Variants in FHL5 observed in about 807,000 individuals in gnomAD.
FHL5 encodes four and a half LIM domains 5, also known as four and a half LIM domains protein 5.
FHL5 carries 33 observed loss-of-function variants against 32.0 expected under a neutral mutation model. The ratio of observed to expected loss-of-function variants is 1.03; its 90% CI spans 0.78 to 1.38. The LOEUF (loss-of-function observed/expected upper bound fraction) is 1.38, where lower values mean the gene tolerates loss of function less well. Ranked by LOEUF, FHL5 falls within the 40% of genes most tolerant of loss-of-function variation. The probability of loss-of-function intolerance (pLI) is 0.00; values close to 1 mark genes in which losing one functional copy is unlikely to be tolerated. For synonymous variants in FHL5, 114 were observed against 113.6 expected (o/e 1.00, Z -0.02); for missense variants, 336 against 343.9 (o/e 0.98, Z 0.18).
Position 96,615,777 on chromosome 6 carries a change from C to T in FHL5, c.*5C>T. 4 of 1,579,182 alleles carry T rather than the reference C, an allele frequency of 2.5e-6. No individual in the cohort carries two copies. The highest frequency in any genetic ancestry group is 3.4e-6 in the Non-Finnish European group (4 of 1,161,894). ...GGAATGGACACTGACATCTAGGAGACAGTCCTTGCCCACCTAAAATCCATT... is the reference window on the plus strand; with the variant it reads ...GGAATGGACACTGACATCTAGGAGATAGTCCTTGCCCACCTAAAATCCATT... On this transcript the variant is annotated 3_prime_UTR_variant, in exon 6 of 6. Transcript: ENST00000450218.
At chr6:96,568,579 A>G (rs1296355451) in intron 1 of FHL5, among the ~76,000 whole-genome samples, 1 of 151,916 alleles carries the variant, frequency 6.6e-6, no homozygotes, top group Non-Finnish European at 1.5e-5. Flanking sequence ...TCCAGAGTGA[A>G]GCTGTCATAT....
rs75047022 is a variant in FHL5, at chr6:96,588,706, T to A, written c.-12-14896T>A. On this transcript the variant is annotated intron_variant, in intron 1 of 5. Coordinates refer to ENST00000450218, the MANE Select transcript of FHL5 (RefSeq NM_001322466.2). Reference sequence around the variant, plus strand: ...TATTATGAGTGAATTAAAAACAAGCTAATGGAAAAACAGTCTCCATTAGCT... The same window carrying A: ...TATTATGAGTGAATTAAAAACAAGCAAATGGAAAAACAGTCTCCATTAGCT... Among the ~76,000 whole-genome samples, 863 of 152,198 alleles carry A rather than the reference T, an allele frequency of 5.7e-3. 4 individuals carry two copies. The highest frequency in any genetic ancestry group is 0.012 in the Admixed American group (179 of 15,282).
chr6:96,601,158 A>C (rs1771140536), intron 1 of FHL5, among the ~76,000 whole-genome samples: 3 of 152,168 alleles, frequency 2.0e-5, no homozygotes, highest in Admixed American at 2.0e-4. Flanking sequence ...ACACGGTAAA[A>C]TCCCATATCT....
intron 1 of FHL5, among the ~76,000 whole-genome samples, chr6:96,602,291 TC>T (rs2127971640): frequency 6.6e-6 from 1 of 152,132 alleles, no homozygotes; most frequent in South Asian, 2.1e-4. Context: ...TATTCAAAGC[TC>T]CTAATATATT....
In FHL5 at chr6:96,617,083, C is replaced by T. The variant is rs1771538040; in HGVS notation, c.*1311C>T. On this transcript the variant is annotated 3_prime_UTR_variant, in exon 6 of 6. Coordinates refer to ENST00000450218, the MANE Select transcript of FHL5 (RefSeq NM_001322466.2). ...AGAGCCTTAGTGAGAAGTCCATCAC[C>T]AGGTTTATCTTTATACCAGACTTTA... Among the ~76,000 whole-genome samples, 1 of 152,158 alleles carries T rather than the reference C, an allele frequency of 6.6e-6. No homozygotes were observed. The highest frequency in any genetic ancestry group is 6.5e-5 in the Admixed American group (1 of 15,274).
intron 1 of FHL5, among the ~76,000 whole-genome samples, chr6:96,577,969 C>T (rs894342766): frequency 2.0e-5 from 3 of 150,982 alleles, no homozygotes; most frequent in Non-Finnish European, 4.4e-5. Context: ...GTCAGTTCGC[C>T]TCTCTGAACT....
chr6:96,578,792 A>G (rs1290896050), intron 1 of FHL5, among the ~76,000 whole-genome samples: 1 of 152,178 alleles, frequency 6.6e-6, no homozygotes, highest in Non-Finnish European at 1.5e-5. Flanking sequence ...CAGTGAGCCG[A>G]GATTGTGCCA....
chr6:96,565,052 C>T (rs944809431), intron 1 of FHL5, among the ~76,000 whole-genome samples: 5 of 151,952 alleles, frequency 3.3e-5, no homozygotes, highest in African/African-American at 1.2e-4. Context: ...GCCCAGGGTT[C>T]AAGACCAGCT....
At chr6:96,604,217 T>C (rs1439334052) in intron 2 of FHL5, among the ~76,000 whole-genome samples, 1 of 152,086 alleles carries the variant, frequency 6.6e-6, no homozygotes, top group Non-Finnish European at 1.5e-5. Flanking sequence ...CTCTCACACC[T>C]ACCACCCCTT....
At chr6:96,599,108 A>G (rs1335357253) in intron 1 of FHL5, among the ~76,000 whole-genome samples, 1 of 152,178 alleles carries the variant, frequency 6.6e-6, no homozygotes, top group Non-Finnish European at 1.5e-5. Context: ...AACTCACTAT[A>G]AAATACAAAA....
chr6:96,601,865 A>G (rs1044792998), intron 1 of FHL5, among the ~76,000 whole-genome samples: 1 of 152,236 alleles, frequency 6.6e-6, no homozygotes, highest in African/African-American at 2.4e-5. Context: ...AGCCTTCGGT[A>G]ACCCTCTGAG....
chr6:96,588,747 T>C (rs1770853129), intron 1 of FHL5, among the ~76,000 whole-genome samples: 1 of 152,052 alleles, frequency 6.6e-6, no homozygotes, highest in South Asian at 2.1e-4. Flanking sequence ...TTAATTCACT[T>C]ATTGATTCAC....
chr6:96,585,265 T>A (rs1343887626), intron 1 of FHL5, among the ~76,000 whole-genome samples: 2 of 152,184 alleles, frequency 1.3e-5, no homozygotes, highest in African/African-American at 2.4e-5. Flanking sequence ...TTACACCATT[T>A]AAATTTAAAT....
intron 1 of FHL5, among the ~76,000 whole-genome samples, chr6:96,565,322 A>G (rs1169253605): frequency 1.3e-5 from 2 of 152,204 alleles, no homozygotes; most frequent in Non-Finnish European, 2.9e-5. Context: ...TGGAGAACAG[A>G]GTCAAGGTTT....
intron 1 of FHL5, among the ~76,000 whole-genome samples, chr6:96,598,366 A>G (rs1351783448): frequency 3.9e-5 from 6 of 152,154 alleles, no homozygotes; most frequent in South Asian, 2.1e-4. Context: ...CTGAACACAC[A>G]CTGTAAGAGG....
chr6:96,567,203 T>C (rs1770376792), intron 1 of FHL5, among the ~76,000 whole-genome samples: 1 of 152,020 alleles, frequency 6.6e-6, no homozygotes, highest in Admixed American at 6.6e-5. Flanking sequence ...TTTTTCTGCA[T>C]ATGAATATTC....
Position 96,578,286 on chromosome 6 carries a change from A to C in FHL5, c.-13+14931A>C, listed in dbSNP as rs1482485938. On this transcript the variant is annotated intron_variant, in intron 1 of 5. Transcript: ENST00000450218. ...TTGATTTATAGTAAACTATTACAGA[A>C]AAGACTCACTGATTGCACAATTAAT... Among the ~76,000 whole-genome samples, 5 of 152,220 alleles carry C rather than the reference A, an allele frequency of 3.3e-5. No individual in the cohort carries two copies. The East Asian group carries it at 9.6e-4, about 29-fold the overall frequency.
intron 1 of FHL5, among the ~76,000 whole-genome samples, chr6:96,567,266 C>T (rs1770377460): frequency 6.6e-6 from 1 of 151,838 alleles, no homozygotes; most frequent in African/African-American, 2.4e-5. Context: ...ATTAAATGTT[C>T]TTGGCAGCTT....
rs1310770536 is a variant in FHL5, at chr6:96,617,153, T to C, written c.*1381T>C. 6.6e-6 allele frequency among the ~76,000 whole-genome samples: 1 copy of C among 152,190 alleles called. No individual in the cohort carries two copies. ...TGCTACCCCTGGATATTTTCCACATTACTTGGGACAAATGGAAAGCAACCT... is the reference window on the plus strand; with the variant it reads ...TGCTACCCCTGGATATTTTCCACATCACTTGGGACAAATGGAAAGCAACCT... On this transcript the variant is annotated 3_prime_UTR_variant, in exon 6 of 6. Coordinates refer to ENST00000450218, the MANE Select transcript of FHL5 (RefSeq NM_001322466.2).
Sources: allele counts gnomAD v4.1 joint callset (sites outside exome capture counted in the v4.1 genomes callset), GRCh38; gene constraint gnomAD v4.1.1; transcripts MANE v1.5; gene names NCBI Gene and HGNC (gene_info 2026-07-23, HGNC 2026-07-21).